GRIN3A: variants seen among roughly 807,000 people sequenced by gnomAD.
GRIN3A encodes the protein glutamate receptor ionotropic, NMDA 3A.
GRIN3A carries 47 observed loss-of-function variants against 92.4 expected under a neutral mutation model. That is an observed-to-expected ratio of 0.51 (90% CI 0.40 to 0.65). The LOEUF (loss-of-function observed/expected upper bound fraction) is 0.65. Among genes scored for constraint, GRIN3A ranks in the 30% least tolerant of loss-of-function variants. The pLI is 0.00. For missense variants in GRIN3A, 1,324 were observed against 1,393.1 expected, an observed-to-expected ratio of 0.95 and a Z score of 0.79; for synonymous variants, 527 against 540.6, an observed-to-expected ratio of 0.97 and a Z score of 0.35.
chr9:101,638,127 A>T (rs748475277), intron 3 of GRIN3A, among the ~76,000 whole-genome samples: 2 of 152,160 alleles, frequency 1.3e-5, no homozygotes, highest in Non-Finnish European at 2.9e-5. Flanking sequence ...GCACTGCAGT[A>T]CTCATTTCCT....
chr9:101,652,723 G>A (rs1829029227), intron 3 of GRIN3A, among the ~76,000 whole-genome samples: 1 of 151,974 alleles, frequency 6.6e-6, no homozygotes, highest in African/African-American at 2.4e-5. Context: ...TTCCTTTGAG[G>A]AAAACTAGTT....
At chr9:101,606,751 A>C (rs1828287962) in intron 6 of GRIN3A, among the ~76,000 whole-genome samples, 1 of 152,082 alleles carries the variant, frequency 6.6e-6, no homozygotes, top group Non-Finnish European at 1.5e-5. Context: ...AAAAGAAAGA[A>C]GTTATCATCT....
chr9:101,619,445 AC>A (rs1828518591), intron 5 of GRIN3A, among the ~76,000 whole-genome samples: 1 of 152,172 alleles, frequency 6.6e-6, no homozygotes, highest in African/African-American at 2.4e-5. Context: ...TAATCAATAT[AC>A]TATATAATAA....
At chr9:101,688,454 A>G (rs567313818) in intron 1 of GRIN3A, among the ~76,000 whole-genome samples, 1 of 152,188 alleles carries the variant, frequency 6.6e-6, no homozygotes, top group Admixed American at 6.5e-5. Context: ...TGTCTTTCCA[A>G]ATTAAGCTTT....
chr9:101,635,263 T>G (rs931657001), intron 3 of GRIN3A, among the ~76,000 whole-genome samples: 21 of 148,472 alleles, frequency 1.4e-4, no homozygotes, highest in African/African-American at 5.2e-4. Context: ...GTCAGCAAAT[T>G]ACGGTCTATG....
chr9:101,607,121 G>A (rs1414305359), intron 6 of GRIN3A, among the ~76,000 whole-genome samples: 1 of 150,534 alleles, frequency 6.6e-6, no homozygotes, highest in Non-Finnish European at 1.5e-5. Flanking sequence ...AATTTCCTAA[G>A]TGACTCTGGA....
intron 3 of GRIN3A, among the ~76,000 whole-genome samples, chr9:101,653,413 T>C (rs1309362669): frequency 5.3e-5 from 8 of 151,970 alleles, no homozygotes; most frequent in Admixed American, 3.9e-4. Context: ...TCTATACTTA[T>C]TGAACTATGT....
intron 2 of GRIN3A, 94 bp from the exon 3 acceptor site, chr9:101,671,201 T>C: frequency 1.1e-6 from 1 of 887,854 alleles, no homozygotes; most frequent in Admixed American, 1.8e-5. Context: ...TTAATAAAAA[T>C]AAATTCGAAT....
chr9:101,674,057 G>A (rs1399806296), intron 2 of GRIN3A, among the ~76,000 whole-genome samples: 1 of 152,034 alleles, frequency 6.6e-6, no homozygotes, highest in African/African-American at 2.4e-5. Context: ...GCTGGGAAAT[G>A]ATGTTGTCAT....
At chr9:101,737,113 A>C (rs1830217428) in intron 1 of GRIN3A, among the ~76,000 whole-genome samples, 168 bp downstream of exon 1, 1 of 152,044 alleles carries the variant, frequency 6.6e-6, no homozygotes, top group Non-Finnish European at 1.5e-5. Flanking sequence ...ACTTCTACTA[A>C]GCTCCTTCTA....
intron 3 of GRIN3A, among the ~76,000 whole-genome samples, chr9:101,644,926 A>T (rs1297362664): frequency 6.6e-6 from 1 of 151,932 alleles, no homozygotes; most frequent in East Asian, 1.9e-4. Flanking sequence ...ATATTTTGAG[A>T]CATGCATACA....
chr9:101,676,539 T>C (rs1829397905), intron 2 of GRIN3A, among the ~76,000 whole-genome samples: 2 of 151,486 alleles, frequency 1.3e-5, no homozygotes, highest in Admixed American at 1.3e-4. Flanking sequence ...TTACTCATGC[T>C]GCATAAAGCT....
chr9:101,715,200 TAAAAA>T (rs5899459), intron 1 of GRIN3A, among the ~76,000 whole-genome samples: 1 of 127,692 alleles, frequency 7.8e-6, no homozygotes, highest in Non-Finnish European at 1.6e-5. Flanking sequence ...ACAAAAATGG[TAAAAA>T]AAAAAAAAAA....
At chr9:101,629,764 C>T (rs866534767) in intron 3 of GRIN3A, among the ~76,000 whole-genome samples, 2 of 152,180 alleles carry the variant, frequency 1.3e-5, no homozygotes, top group Non-Finnish European at 2.9e-5. Flanking sequence ...ATAATAGCTT[C>T]GTGAAGAGGG....
At chr9:101,677,571 A>AT (rs1351939105) in intron 2 of GRIN3A, among the ~76,000 whole-genome samples, 2 of 151,256 alleles carry the variant, frequency 1.3e-5, no homozygotes, top group African/African-American at 2.4e-5. Flanking sequence ...ACTTCCCTTT[A>AT]TTTTTTTATG....
chr9:101,610,954 C>T (rs1828358477), intron 6 of GRIN3A, among the ~76,000 whole-genome samples: 1 of 151,982 alleles, frequency 6.6e-6, no homozygotes, highest in Non-Finnish European at 1.5e-5. Context: ...AAAAATTAGC[C>T]ACGTGTGGTA....
chr9:101,636,442 C>T (rs184717561), intron 3 of GRIN3A, among the ~76,000 whole-genome samples: 309 of 152,182 alleles, frequency 2.0e-3, no homozygotes, highest in African/African-American at 6.7e-3. Context: ...CAGTTGTTTT[C>T]CCCGTTTTAA....
Position 101,737,379 on chromosome 9 carries a change from G to C in GRIN3A, c.601C>G (p.Gln201Glu). The change falls in exon 1 of 9, where the codon CAG (glutamine) becomes GAG (glutamate). Residue 201 changes from glutamine to glutamate, a missense_variant. Coordinates refer to ENST00000361820, the MANE Select transcript of GRIN3A (RefSeq NM_133445.3). ...QGVSALLAFP[Q>E]SQGEMMELDL... Reference sequence around the variant, plus strand: ...AGCTCCATCATTTCGCCCTGGCTCTGGGGGAAGGCGAGCAGCGCCGACACC... The same window carrying C: ...AGCTCCATCATTTCGCCCTGGCTCTCGGGGAAGGCGAGCAGCGCCGACACC... The C allele has an allele frequency of 6.2e-7, 1 of 1,614,218 alleles. No homozygotes were observed. Among genetic ancestry groups the C allele is most frequent in the Non-Finnish European group, 8.5e-7 (1 of 1,180,026 alleles).
chr9:101,628,853 G>A (rs1828674393), intron 3 of GRIN3A, among the ~76,000 whole-genome samples: 1 of 152,110 alleles, frequency 6.6e-6, no homozygotes, highest in Admixed American at 6.5e-5. Flanking sequence ...CATCACTTTT[G>A]TGTTTAGCCA....
Sources: allele counts gnomAD v4.1 joint callset (sites outside exome capture counted in the v4.1 genomes callset), GRCh38; gene constraint gnomAD v4.1.1; transcripts MANE v1.5; gene names NCBI Gene and HGNC (gene_info 2026-07-23, HGNC 2026-07-21).